Variants in HNRNPK observed in about 807,000 individuals in gnomAD.
HNRNPK encodes the protein dC-stretch binding protein.
In HNRNPK, 7 loss-of-function variants were observed where a neutral mutation model predicts 67.0. The observed-to-expected ratio is 0.10, with a 90% CI of 0.06 to 0.20. The LOEUF (loss-of-function observed/expected upper bound fraction) is 0.20. HNRNPK is among the 10% of genes least tolerant of loss of function. The probability of loss-of-function intolerance (pLI) is 1.00; values close to 1 mark genes in which losing one functional copy is unlikely to be tolerated. For synonymous variants in HNRNPK, 213 were observed against 193.7 expected, an observed-to-expected ratio of 1.10 and a Z score of -0.83; for missense variants, 264 against 606.5, an observed-to-expected ratio of 0.44 and a Z score of 5.93.
At chr9:83,970,954 G>GTAATTAC in intron 13 of HNRNPK, 42 bp from the exon 14 acceptor site, 2 of 1,585,958 alleles carry the variant, frequency 1.3e-6, no homozygotes, top group Non-Finnish European at 1.7e-6. Flanking sequence ...CTTTGCCGTT[G>GTAATTAC]TAATTACTAC....
Position 83,971,603 on chromosome 9 carries a change from AC to A in HNRNPK, c.1008+68del. On this transcript the variant is annotated intron_variant, in intron 12 of 16. Transcript: ENST00000376263. Reference sequence around the variant, plus strand: ...AACTTTTTAATCACTATAACCTTCAACAAAACGTGAACTACATTGTGACAAC... The same window carrying A: ...AACTTTTTAATCACTATAACCTTCAAAAAACGTGAACTACATTGTGACAAC... 4 of 1,314,834 alleles carry A rather than the reference AC, an allele frequency of 3.0e-6. No homozygotes were observed. The South Asian group carries it at 4.8e-5, about 16-fold the overall frequency. The allele number at this position is 1,314,834 out of a possible 1,614,324, so 81.4% of individuals were successfully genotyped here. A position where few individuals can be genotyped will look rare whatever the true frequency, so the allele number is the denominator to read the frequency against.
At chr9:83,978,009 C>G (rs1328536788) in intron 3 of HNRNPK, among the ~76,000 whole-genome samples, 186 bp downstream of exon 3, 2 of 152,120 alleles carry the variant, frequency 1.3e-5, no homozygotes, top group African/African-American at 4.8e-5. Context: ...AAGAAAAATT[C>G]TTTATATGCA....
intron 13 of HNRNPK, 177 bp downstream of exon 13, chr9:83,971,096 T>C: frequency 1.4e-6 from 1 of 728,562 alleles, no homozygotes; most frequent in Non-Finnish European, 2.4e-6. Context: ...TGAGCACCAC[T>C]GCACCCAGCT....
Position 83,969,185 on chromosome 9 carries a change from C to G in HNRNPK, c.*222G>C, listed in dbSNP as rs945049318. ...TGTTAGTTTTTGCACGCCCTTCCCC[C>G]CCCCAACCCTGTTTGTAAGGAACTA... On this transcript the variant is annotated 3_prime_UTR_variant, in exon 17 of 17. Coordinates refer to ENST00000376263, the MANE Select transcript of HNRNPK (RefSeq NM_031263.4). The G allele has an allele frequency of 3.5e-5, 19 of 548,328 alleles. No homozygotes were observed. The highest frequency in any genetic ancestry group is 5.6e-5 in the South Asian group (2 of 35,700). 34.0% of individuals were successfully genotyped at this position (548,328 alleles called of 1,614,324 possible).
At chr9:83,971,404 T>C (rs1956833069) in intron 12 of HNRNPK, 48 bp from the exon 13 acceptor site, 6 of 1,314,248 alleles carry the variant, frequency 4.6e-6, no homozygotes, top group South Asian at 1.2e-5. Context: ...TATTTTGTTA[T>C]AGAGCTGTTT....
intron 5 of HNRNPK, among the ~76,000 whole-genome samples, chr9:83,975,986 T>G (rs1410600774): frequency 6.6e-6 from 1 of 152,144 alleles, no homozygotes; most frequent in Non-Finnish European, 1.5e-5. Flanking sequence ...CTGAAATTCT[T>G]GAGGAAATGG....
At chr9:83,978,566 T>G (rs1311957849) in intron 1 of HNRNPK, 114 bp from the exon 2 acceptor site, 2 of 226,810 alleles carry the variant, frequency 8.8e-6, no homozygotes, top group East Asian at 1.9e-4. Context: ...TTTCTAAAAC[T>G]TGATTCTTCA....
At chr9:83,978,097 CA>C in intron 3 of HNRNPK, 97 bp downstream of exon 3, 1 of 789,630 alleles carries the variant, frequency 1.3e-6, no homozygotes. Context: ...ACAGTAATAC[CA>C]AAAATTCACC....
chr9:83,974,649 G>C (rs747970743), intron 6 of HNRNPK, 60 bp from the exon 7 acceptor site: 1 of 1,143,080 alleles, frequency 8.7e-7, no homozygotes, highest in Non-Finnish European at 1.3e-6. Flanking sequence ...AATGAGTTTT[G>C]TGTTTGTCAC....
chr9:83,974,346 T>TA (rs35198637), intron 7 of HNRNPK, among the ~76,000 whole-genome samples, 171 bp downstream of exon 7: 2,952 of 143,768 alleles, frequency 0.021, 53 homozygotes, highest in East Asian at 0.051. Context: ...TTTTTTTTTT[T>TA]AAAAAAAAAA....
rs919392146 is a variant in HNRNPK, at chr9:83,968,781, C to T, written c.*626G>A. On this transcript the variant is annotated 3_prime_UTR_variant, in exon 17 of 17. Transcript: ENST00000376263. ...GCCAAGTTATTTTGCCTATGTCCAA[C>T]AAGAGATGCACTTATATGTCCAACA... The T allele has an allele frequency of 6.6e-6, 1 of 152,568 alleles. No individual in the cohort carries two copies. The highest frequency in any genetic ancestry group is 6.5e-5 in the Admixed American group (1 of 15,276). The allele number at this position is 152,568 out of a possible 1,614,324, so 9.5% of individuals were successfully genotyped here.
chr9:83,969,450 A>G lies in HNRNPK; in HGVS notation c.1362-10T>C, dbSNP rs762910600. 6.4e-7 allele frequency: 1 copy of G among 1,554,630 alleles called. No homozygotes were observed. The highest frequency in any genetic ancestry group is 8.8e-7 in the Non-Finnish European group (1 of 1,141,582). ...TGCATACTGCTTCACACTATAAAAG[A>G]AAAGAAAAAAAAGTGCGAATTAGAA... On this transcript the variant is annotated splice_polypyrimidine_tract_variant and intron_variant, in intron 16 of 16. Coordinates refer to ENST00000376263, the MANE Select transcript of HNRNPK (RefSeq NM_031263.4).
chr9:83,971,207 T>C (rs371236155), intron 13 of HNRNPK, 66 bp downstream of exon 13: 1 of 1,108,534 alleles, frequency 9.0e-7, no homozygotes, highest in African/African-American at 1.5e-5. Flanking sequence ...ATAAAAAACT[T>C]ACTGGAGAGC....
rs931941838 is a variant in HNRNPK, at chr9:83,968,755, T to C, written c.*652A>G. On this transcript the variant is annotated 3_prime_UTR_variant, in exon 17 of 17. Coordinates refer to ENST00000376263, the MANE Select transcript of HNRNPK (RefSeq NM_031263.4). ...ATCAAGAAATCACCAGAACTAAGTT[T>C]GCCAAGTTATTTTGCCTATGTCCAA... 9.8e-5 allele frequency: 15 copies of C among 152,760 alleles called. No individual in the cohort carries two copies. Among genetic ancestry groups the C allele is most frequent in the African/African-American group, 3.6e-4 (15 of 41,568 alleles). 9.5% of individuals were successfully genotyped at this position (152,760 alleles called of 1,614,324 possible). A position where few individuals can be genotyped will look rare whatever the true frequency, so the allele number is the denominator to read the frequency against.
chr9:83,972,826 A>G lies in HNRNPK; in HGVS notation c.645+18T>C. On this transcript the variant is annotated intron_variant, in intron 10 of 16. Transcript: ENST00000376263. ...TGTTTCATAAAATCAAATGTAAACA[A>G]AAAGTGTTCTGAAGTACCTCAGATA... The G allele has an allele frequency of 3.2e-6, 5 of 1,566,048 alleles. No homozygotes were observed. Among genetic ancestry groups the G allele is most frequent in the South Asian group, 2.4e-5 (2 of 84,080 alleles).
chr9:83,972,048 T>G lies in HNRNPK; in HGVS notation c.787A>C (p.Arg263=). ...CGCCCACCCCGACCAGGAGGCATTCTGTCAAAACCACCTCTTCCCCGCATG... is the reference window on the plus strand; with the variant it reads ...CGCCCACCCCGACCAGGAGGCATTCGGTCAAAACCACCTCTTCCCCGCATG... ...FPMRGRGGFD[R]MPPGRGGRPM... Residue 263 remains arginine, a synonymous_variant, in exon 11 of 17, where the codon AGA becomes CGA. Transcript: ENST00000376263. 6.2e-7 allele frequency: 1 copy of G among 1,613,952 alleles called. No individual in the cohort carries two copies. The highest frequency in any genetic ancestry group is 8.5e-7 in the Non-Finnish European group (1 of 1,179,856).
chr9:83,974,589 G>A lies in HNRNPK; in HGVS notation c.258C>T (p.Arg86=). 2 of 1,596,200 alleles carry A rather than the reference G, an allele frequency of 1.3e-6. No homozygotes were observed. The highest frequency in any genetic ancestry group is 1.7e-6 in the Non-Finnish European group (2 of 1,167,524). Residue 86 remains arginine (R), a splice_region_variant and synonymous_variant, in exon 7 of 17, where the codon CGC becomes CGT. Transcript: ENST00000376263. Reference sequence around the variant, plus strand: ...CAATATCAGCACTGATACTCAATATGCTGTCAAACACCACAAATACCAGAT... The same window carrying A: ...CAATATCAGCACTGATACTCAATATACTGTCAAACACCACAAATACCAGAT... ...VSVPDSSGPE[R]ILSISADIET...
At chr9:83,978,652 G>A (rs1183061240) in intron 1 of HNRNPK, among the ~76,000 whole-genome samples, 200 bp from the exon 2 acceptor site, 1 of 152,146 alleles carries the variant, frequency 6.6e-6, no homozygotes. Context: ...TTTTTGCTAA[G>A]TTAGAACAAT....
At chr9:83,971,795 T>C (rs1956856854) in intron 11 of HNRNPK, 69 bp from the exon 12 acceptor site, 10 of 1,594,284 alleles carry the variant, frequency 6.3e-6, no homozygotes, top group African/African-American at 5.4e-5. Context: ...AAAGTCTACC[T>C]TGTCTACCAC....
Sources: allele counts gnomAD v4.1 joint callset (sites outside exome capture counted in the v4.1 genomes callset), GRCh38; gene constraint gnomAD v4.1.1; transcripts MANE v1.5; gene names NCBI Gene and HGNC (gene_info 2026-07-23, HGNC 2026-07-21).